The following FBXL14 variants were observed in gnomAD, a reference collection of about 807,000 sequenced individuals.
FBXL14 encodes F-box/LRR-repeat protein 14.
Under a neutral mutation model 24.5 loss-of-function variants are expected in FBXL14, and 11 were observed. The ratio of observed to expected loss-of-function variants is 0.45; its 90% confidence interval spans 0.28 to 0.74. The LOEUF (loss-of-function observed/expected upper bound fraction) is 0.74, where lower values mean the gene tolerates loss of function less well. Ranked by LOEUF, FBXL14 falls within the 30% of genes least tolerant of loss-of-function variation. The pLI is 0.12. For synonymous variants in FBXL14, 294 were observed against 240.4 expected (o/e 1.22, Z -2.06); for missense variants, 384 against 545.6 (o/e 0.70, Z 2.95).
At chr12:1,570,331 G>C (rs561390245) in intron 1 of FBXL14, among the ~76,000 whole-genome samples, 1 of 152,354 alleles carries the variant, frequency 6.6e-6, no homozygotes, top group Admixed American at 6.5e-5. Context: ...GGTACAACAT[G>C]TGTCCTTATA....
rs2094495767 is a variant in FBXL14, at chr12:1,593,812, C to T, written c.255G>A (p.Val85=). ...TCTCGATGTTGGCCATGCCCTGGAT[C>T]ACGTAGCTGAGGCTGCGGCGGAGGC... ...ILSLRRSLSY[V]IQGMANIESL... Residue 85 remains valine (V), a synonymous_variant, in exon 1 of 2, where the codon GTG becomes GTA. Transcript: ENST00000339235. The surrounding 1 kb of genome is among the most constrained non-coding windows in gnomAD (Gnocchi z 7.4). The T allele has an allele frequency of 6.2e-7, 1 of 1,614,028 alleles. No homozygotes were observed. The highest frequency in any genetic ancestry group is 1.1e-5 in the South Asian group (1 of 91,084).
intron 1 of FBXL14, chr12:1,587,253 A>AC (rs1277368603): frequency 6.6e-6 from 1 of 152,136 alleles, no homozygotes; most frequent in African/African-American, 2.4e-5. Context: ...CAAAAAAAAA[A>AC]AAAAAAAAAA....
chr12:1,573,909 G>T (rs1448082276), intron 1 of FBXL14, among the ~76,000 whole-genome samples: 2 of 152,112 alleles, frequency 1.3e-5, no homozygotes, highest in East Asian at 1.9e-4. Context: ...GGAAGCTGAG[G>T]CAGGAGAATC....
intron 1 of FBXL14, chr12:1,574,901 G>A (rs1032579008): frequency 7.9e-5 from 3 of 37,916 alleles, no homozygotes; most frequent in African/African-American, 2.1e-4. Flanking sequence ...GAAGTTAGGA[G>A]CTTTTTTTAA....
At chr12:1,592,840 C>G (rs565356553) in intron 1 of FBXL14, 33 bp downstream of exon 1, 3 of 1,530,346 alleles carry the variant, frequency 2.0e-6, no homozygotes, top group East Asian at 2.3e-5. Context: ...CAGGGCGGGA[C>G]AAGGGGAGCT....
At chr12:1,591,451 TTG>T (rs1364568618) in intron 1 of FBXL14, among the ~76,000 whole-genome samples, 5 of 152,104 alleles carry the variant, frequency 3.3e-5, no homozygotes, top group Non-Finnish European at 5.9e-5. Context: ...AAGAGGATCT[TTG>T]TTATTATTTA....
chr12:1,580,807 G>A (rs139123693), intron 1 of FBXL14, among the ~76,000 whole-genome samples: 7 of 152,286 alleles, frequency 4.6e-5, no homozygotes, highest in African/African-American at 1.7e-4. Flanking sequence ...TAGCATTAGC[G>A]GGCTTGCTTC....
chr12:1,573,862 G>A (rs1458637235), intron 1 of FBXL14, among the ~76,000 whole-genome samples: 2 of 152,136 alleles, frequency 1.3e-5, no homozygotes, highest in Admixed American at 6.6e-5. Context: ...ACAATTAGCT[G>A]GGCGTGGTGG....
Position 1,567,706 on chromosome 12 carries a change from G to GA in FBXL14, c.1195-897dup, listed in dbSNP as rs534173179. On this transcript the variant is annotated intron_variant, in intron 1 of 1. Transcript: ENST00000339235. The surrounding 1 kb of genome is among the most constrained non-coding windows in gnomAD (Gnocchi z 4.8). ...TGAAAGCAGGGAGATGGGAATCTAA[G>GA]AAAAAACCAAATGAAGTGACAGAGA... is the stretch of plus-strand genomic sequence containing the variant. 2.4e-3 allele frequency among the ~76,000 whole-genome samples: 358 copies of GA among 152,304 alleles called. 3 individuals carry two copies. Among genetic ancestry groups the GA allele is most frequent in the African/African-American group, 8.1e-3 (338 of 41,554 alleles).
intron 1 of FBXL14, among the ~76,000 whole-genome samples, chr12:1,570,027 G>A (rs974966212): frequency 2.0e-5 from 3 of 152,214 alleles, no homozygotes; most frequent in Admixed American, 6.5e-5. Flanking sequence ...CTAAGAGAAC[G>A]TTTTGCTGTT....
intron 1 of FBXL14, among the ~76,000 whole-genome samples, chr12:1,584,716 A>T (rs2094473073): frequency 6.6e-6 from 1 of 152,222 alleles, no homozygotes; most frequent in Admixed American, 6.5e-5. Context: ...GATTCCTGAA[A>T]ACTGGCTAAA....
At chr12:1,571,046 C>T (rs111479497) in intron 1 of FBXL14, among the ~76,000 whole-genome samples, 237 of 152,344 alleles carry the variant, frequency 1.6e-3, no homozygotes, top group African/African-American at 5.5e-3. Context: ...CACTAATAAT[C>T]GGTCATTGCT....
intron 1 of FBXL14, among the ~76,000 whole-genome samples, chr12:1,568,207 T>C (rs2094439452): frequency 6.6e-6 from 1 of 152,066 alleles, no homozygotes; most frequent in Non-Finnish European, 1.5e-5. Flanking sequence ...AGGGAAGAAA[T>C]GCACCTGACT....
intron 1 of FBXL14, among the ~76,000 whole-genome samples, chr12:1,591,247 C>T (rs1412372192): frequency 6.6e-6 from 1 of 152,126 alleles, no homozygotes; most frequent in African/African-American, 2.4e-5. Flanking sequence ...GCACCAAACT[C>T]CACCTTGCGT....
chr12:1,584,442 G>GAA (rs35730019), intron 1 of FBXL14, among the ~76,000 whole-genome samples: 1 of 152,208 alleles, frequency 6.6e-6, no homozygotes, highest in African/African-American at 2.4e-5. Flanking sequence ...TGATTCCATT[G>GAA]AAAATTAGAC....
chr12:1,592,351 G>A (rs912719606), intron 1 of FBXL14, among the ~76,000 whole-genome samples: 1 of 151,872 alleles, frequency 6.6e-6, no homozygotes, highest in African/African-American at 2.4e-5. Flanking sequence ...GTAAGAGGAG[G>A]AGTGATGAGA....
intron 1 of FBXL14, among the ~76,000 whole-genome samples, chr12:1,570,782 G>A (rs1156980394): frequency 1.3e-5 from 2 of 152,124 alleles, no homozygotes; most frequent in Non-Finnish European, 2.9e-5. Context: ...TTGATGACGT[G>A]ACCATCGAGA....
At chr12:1,580,211 G>A (rs541874074) in intron 1 of FBXL14, among the ~76,000 whole-genome samples, 6 of 152,338 alleles carry the variant, frequency 3.9e-5, no homozygotes, top group African/African-American at 1.4e-4. Flanking sequence ...ATGCTGAAGT[G>A]AATGCCTCCA....
chr12:1,575,488 T>C (rs7976490), intron 1 of FBXL14, among the ~76,000 whole-genome samples: 132,566 of 152,182 alleles, frequency 0.87, 59,172 homozygotes, highest in Non-Finnish European at 0.96. Context: ...CACTGTGCCG[T>C]TCGGGATCCC....
Sources: allele counts gnomAD v4.1 joint callset (sites outside exome capture counted in the v4.1 genomes callset), GRCh38; gene constraint gnomAD v4.1.1; non-coding constraint Gnocchi (gnomAD v3.1); transcripts MANE v1.5; gene names NCBI Gene and HGNC (gene_info 2026-07-23, HGNC 2026-07-21).